LHX3: variants seen among roughly 807,000 people sequenced by gnomAD.
LHX3 encodes the protein LIM homeobox 3.
LHX3 carries 21 observed loss-of-function variants against 32.4 expected under a neutral mutation model. The ratio of observed to expected loss-of-function variants is 0.65; its 90% CI spans 0.46 to 0.93. LHX3 has a LOEUF of 0.93. LHX3 is among the 40% of genes least tolerant of loss of function. The pLI, the probability that LHX3 is intolerant of heterozygous loss-of-function variation, is 0.00. For missense variants in LHX3, 626 were observed against 560.0 expected (o/e 1.12, Z -1.19); for synonymous variants, 258 against 246.8 (o/e 1.05, Z -0.43).
In LHX3 at chr9:136,197,877, G is replaced by T. The variant is rs997960156; in HGVS notation, c.776-134C>A. 2.1e-4 allele frequency: 189 copies of T among 906,052 alleles called. 3 individuals are homozygous for T. In the South Asian group the frequency reaches 2.2e-3, roughly 10 times the overall value. The allele number at this position is 906,052 out of a possible 1,614,324, so 56.1% of individuals were successfully genotyped here. ...CACACCACATGACAGGTCATAACAG[G>T]CCCCTTCTACTGTTGGAGCATGGCT... On this transcript the variant is annotated intron_variant, in intron 5 of 5. Coordinates refer to ENST00000371748, the MANE Select transcript of LHX3 (RefSeq NM_178138.6).
intron 1 of LHX3, among the ~76,000 whole-genome samples, chr9:136,202,153 C>T (rs1001059068): frequency 1.2e-4 from 19 of 152,182 alleles, no homozygotes; most frequent in African/African-American, 4.1e-4. Flanking sequence ...TCCTCCCTCC[C>T]TCTCTCCGCC....
At chr9:136,201,190 C>T in intron 1 of LHX3, 1 of 1,353,290 alleles carries the variant, frequency 7.4e-7, no homozygotes. Context: ...CCCATCGGGT[C>T]TCCTTCATGT....
intron 1 of LHX3, chr9:136,202,932 G>T (rs1300117664): frequency 1.3e-6 from 2 of 1,532,048 alleles, no homozygotes; most frequent in South Asian, 2.4e-5. Context: ...CAGCCACTCG[G>T]CCCGGGCACC....
rs1253745431 is a variant in LHX3 at position 136,196,266 on chromosome 9, A to C, written c.*1059T>G. On this transcript the variant is annotated 3_prime_UTR_variant, in exon 6 of 6. Transcript: ENST00000371748. ...GGCCTTCCATTGACTGTAACTGACA[A>C]ATTTATTGAAGTCTTGGAAAGAGCT... is the stretch of plus-strand genomic sequence containing the variant. 2.0e-5 allele frequency: 3 copies of C among 152,410 alleles called. No individual in the cohort carries two copies. The highest frequency in any genetic ancestry group is 7.2e-5 in the African/African-American group (3 of 41,474). The allele number at this position is 152,410 out of a possible 1,614,324, so 9.4% of individuals were successfully genotyped here. A position where few individuals can be genotyped will look rare whatever the true frequency, so the allele number is the denominator to read the frequency against.
chr9:136,201,170 G>T (rs1236566069), intron 1 of LHX3: 10 of 1,366,146 alleles, frequency 7.3e-6, no homozygotes, highest in Middle Eastern at 2.7e-4. Flanking sequence ...ATCACCTGGA[G>T]CTGGGGCACC....
At chr9:136,199,969 G>T (rs1488890628) in intron 2 of LHX3, 89 bp from the exon 3 acceptor site, 35 of 1,359,420 alleles carry the variant, frequency 2.6e-5, no homozygotes, top group Non-Finnish European at 3.5e-5. Flanking sequence ...GGCTGCCTGG[G>T]AAGGCGGCCC....
At chr9:136,201,537 C>T in intron 1 of LHX3, 2 of 1,126,180 alleles carry the variant, frequency 1.8e-6, no homozygotes, top group Non-Finnish European at 2.2e-6. Context: ...TTCCAGGTGT[C>T]AAGGGCTGAG....
chr9:136,201,804 G>A, intron 1 of LHX3: 1 of 665,636 alleles, frequency 1.5e-6, no homozygotes, highest in Non-Finnish European at 1.9e-6. Context: ...CTCCGGGTGC[G>A]GAGCGTCGAG....
intron 1 of LHX3, among the ~76,000 whole-genome samples, chr9:136,204,046 CAG>C (rs1166164575): frequency 6.6e-6 from 1 of 152,238 alleles, no homozygotes; most frequent in African/African-American, 2.4e-5. Context: ...TGGCAGTGCG[CAG>C]AAACACACAG....
intron 1 of LHX3, chr9:136,203,086 G>T (rs1218583608): frequency 6.0e-6 from 9 of 1,491,112 alleles, no homozygotes; most frequent in Non-Finnish European, 8.0e-6. Flanking sequence ...GAACTTTCCC[G>T]GGCCCAGCGA....
chr9:136,204,455 G>T (rs190244453), intron 1 of LHX3, among the ~76,000 whole-genome samples: 77 of 152,308 alleles, frequency 5.1e-4, no homozygotes, highest in African/African-American at 1.8e-3. Context: ...GGTTAAGGAG[G>T]CGGCCCACCC....
At position 136,198,663 on chromosome 9, in the gene LHX3, A is replaced by T; in HGVS notation, c.764T>A (p.Val255Asp). Residue 255 changes from valine (V) to aspartate (D), a missense_variant, in exon 5 of 6, where the codon GTC (valine) becomes GAC (aspartate). Val to Asp is a radical substitution (Grantham distance 152). Transcript: ENST00000371748. ...VQEGQDSDAE[V>D]SFPDEPSLAE... ...ATCCCTCCGCCTACCGGGGAAGGAG[A>T]CCTCAGCGTCGCTGTCCTGCCCCTC... 1 of 1,599,942 alleles carries T rather than the reference A, an allele frequency of 6.3e-7. No individual in the cohort carries two copies. Among genetic ancestry groups the T allele is most frequent in the Non-Finnish European group, 8.5e-7 (1 of 1,175,254 alleles).
chr9:136,198,622 C>A (rs1484694520), intron 5 of LHX3, 30 bp downstream of exon 5: 5 of 1,549,960 alleles, frequency 3.2e-6, no homozygotes, highest in East Asian at 2.4e-5. Context: ...GCGCTCGTCC[C>A]CCCCCGAGCT....
At chr9:136,197,989 G>A (rs1000276016) in intron 5 of LHX3, among the ~76,000 whole-genome samples, 5 of 152,156 alleles carry the variant, frequency 3.3e-5, no homozygotes, top group African/African-American at 4.8e-5. Context: ...GCCCAGCCAG[G>A]GCCCAGGCTT....
chr9:136,200,809 C>T, intron 1 of LHX3, 56 bp from the exon 2 acceptor site: 1 of 1,597,560 alleles, frequency 6.3e-7, no homozygotes, highest in Non-Finnish European at 8.6e-7. Context: ...AGTGAAGCCA[C>T]CTTCCCACCC....
At chr9:136,200,188 G>A (rs1272551239) in intron 2 of LHX3, 1 of 566,226 alleles carries the variant, frequency 1.8e-6, no homozygotes, top group South Asian at 2.0e-5. Flanking sequence ...CCCCACAGCT[G>A]GAGCCATGAA....
intron 1 of LHX3, 63 bp from the exon 2 acceptor site, chr9:136,200,816 A>G (rs1233415628): frequency 3.8e-6 from 6 of 1,583,606 alleles, no homozygotes; most frequent in Non-Finnish European, 4.3e-6. Flanking sequence ...CCACCTTCCC[A>G]CCCCAACGCG....
chr9:136,199,868 G>T lies in LHX3; in HGVS notation c.264C>A (p.Thr88=), dbSNP rs780100109. The change falls in exon 3 of 6, where the codon ACC becomes ACA. Residue 88 remains threonine, a synonymous_variant. Coordinates refer to ENST00000371748, the MANE Select transcript of LHX3 (RefSeq NM_178138.6). ...TGCCCAGCTGGCACGCGGCGCACTT[G>T]GTCCCGAAGCGCCTGCGGGACGCAC... ...CKDDFFKRFG[T]KCAACQLGIP... 2 of 1,595,196 alleles carry T rather than the reference G, an allele frequency of 1.3e-6. No individual in the cohort carries two copies. The highest frequency in any genetic ancestry group is 1.7e-6 in the Non-Finnish European group (2 of 1,171,360).
At position 136,201,220 on chromosome 9, in the gene LHX3, T is replaced by C. The variant is rs1005017312; in HGVS notation, c.80-467A>G. On this transcript the variant is annotated intron_variant, in intron 1 of 5. Transcript: ENST00000371748. ...TCATGTTAAGCGTCATGGCCACTCT[T>C]TCTAGGGACTCCTCGCAAATGTGGC... 3.1e-6 allele frequency: 4 copies of C among 1,293,702 alleles called. No individual in the cohort carries two copies. In the African/African-American group the frequency reaches 6.0e-5, roughly 19 times the overall value. 80.1% of individuals were successfully genotyped at this position (1,293,702 alleles called of 1,614,324 possible).
Sources: allele counts gnomAD v4.1 joint callset (sites outside exome capture counted in the v4.1 genomes callset), GRCh38; gene constraint gnomAD v4.1.1; transcripts MANE v1.5; gene names NCBI Gene and HGNC (gene_info 2026-07-23, HGNC 2026-07-21).